The following SMC1B variants were observed in gnomAD, a reference collection of about 807,000 sequenced individuals.
SMC1B encodes structural maintenance of chromosomes 1B.
SMC1B carries 60 observed loss-of-function variants against 157.9 expected under a neutral mutation model. The observed-to-expected ratio is 0.38, with a 90% CI of 0.31 to 0.47. The LOEUF (loss-of-function observed/expected upper bound fraction) is 0.47. SMC1B is among the 20% of genes least tolerant of loss of function. The pLI is 0.99. For synonymous variants in SMC1B, 445 were observed against 483.0 expected, an observed-to-expected ratio of 0.92 and a Z score of 1.03; for missense variants, 1,165 against 1,426.2, an observed-to-expected ratio of 0.82 and a Z score of 2.95.
At chr22:45,403,704 C>A (rs1248921118) in intron 4 of SMC1B, among the ~76,000 whole-genome samples, 2 of 152,070 alleles carry the variant, frequency 1.3e-5, no homozygotes, top group Non-Finnish European at 2.9e-5. Context: ...AGGGATGCTC[C>A]CACCTTGGCC....
intron 19 of SMC1B, among the ~76,000 whole-genome samples, chr22:45,356,825 G>A (rs1242762264): frequency 6.6e-6 from 1 of 151,040 alleles, no homozygotes; most frequent in Non-Finnish European, 1.5e-5. Context: ...CACATCCCAG[G>A]CTCAAGCAAT....
At chr22:45,400,069 A>G (rs1470588925) in intron 5 of SMC1B, among the ~76,000 whole-genome samples, 1 of 152,244 alleles carries the variant, frequency 6.6e-6, no homozygotes, top group Non-Finnish European at 1.5e-5. Flanking sequence ...AGATGGTCAC[A>G]TATGAAAATA....
intron 13 of SMC1B, among the ~76,000 whole-genome samples, chr22:45,371,919 T>C (rs542229638): frequency 3.5e-4 from 53 of 152,170 alleles, no homozygotes; most frequent in African/African-American, 1.1e-3. Context: ...ATTACATGCC[T>C]GTAATCCCAG....
At chr22:45,379,107 G>A (rs1405316607) in intron 12 of SMC1B, among the ~76,000 whole-genome samples, 1 of 152,076 alleles carries the variant, frequency 6.6e-6, no homozygotes, top group Non-Finnish European at 1.5e-5. Context: ...TCAGCCTCCT[G>A]AGTAGCTGGG....
chr22:45,367,650 TG>T (rs1261599075), intron 15 of SMC1B, among the ~76,000 whole-genome samples: 1 of 152,216 alleles, frequency 6.6e-6, no homozygotes. Flanking sequence ...TCCTATGGGC[TG>T]AGGCAGGGAC....
At chr22:45,348,572 G>T (rs1333915189) in intron 23 of SMC1B, among the ~76,000 whole-genome samples, 1 of 152,202 alleles carries the variant, frequency 6.6e-6, no homozygotes, top group Non-Finnish European at 1.5e-5. Flanking sequence ...TGTTATGCCA[G>T]CAGTAACATT....
intron 20 of SMC1B, 123 bp downstream of exon 20, chr22:45,354,836 A>G (rs1237348991): frequency 3.6e-5 from 30 of 823,800 alleles, no homozygotes; most frequent in South Asian, 8.7e-5. Flanking sequence ...ACACATTAAT[A>G]TAAGACCACA....
At chr22:45,390,178 A>C (rs1403226069) in intron 9 of SMC1B, among the ~76,000 whole-genome samples, 1 of 152,050 alleles carries the variant, frequency 6.6e-6, no homozygotes, top group African/African-American at 2.4e-5. Context: ...ATATTCATTT[A>C]TTCCCTGACC....
chr22:45,401,799 G>C (rs1465709836), intron 5 of SMC1B, among the ~76,000 whole-genome samples: 2 of 152,042 alleles, frequency 1.3e-5, no homozygotes, highest in African/African-American at 4.8e-5. Context: ...CTCACTCCTT[G>C]TGTGTCTGCA....
chr22:45,410,937 G>T (rs997805837), intron 1 of SMC1B, among the ~76,000 whole-genome samples: 1 of 152,224 alleles, frequency 6.6e-6, no homozygotes, highest in Non-Finnish European at 1.5e-5. Flanking sequence ...GAGGGCTATT[G>T]TAAGACAGTG....
chr22:45,408,993 T>G (rs2087297242), intron 1 of SMC1B, 95 bp from the exon 2 acceptor site: 3 of 679,756 alleles, frequency 4.4e-6, no homozygotes, highest in Admixed American at 2.9e-5. Flanking sequence ...AAGTGAAATA[T>G]AGCCAAAAGA....
chr22:45,393,677 G>A lies in SMC1B; in HGVS notation c.1502C>T (p.Ala501Val), dbSNP rs1383420030. 2 of 1,614,044 alleles carry A rather than the reference G, an allele frequency of 1.2e-6. No individual in the cohort carries two copies. The highest frequency in any genetic ancestry group is 1.3e-5 in the African/African-American group (1 of 75,024). The change falls in exon 9 of 25, where the codon GCA becomes GTA. Residue 501 changes from alanine to valine, a missense_variant. Coordinates refer to ENST00000357450, the MANE Select transcript of SMC1B (RefSeq NM_148674.5). ...THEGKRQQKRAEVLEHLKRLY... is the reference protein window; with the variant it reads ...THEGKRQQKRVEVLEHLKRLY... The stretch of plus-strand genomic sequence containing the variant: ...TCTTTTAAGGTGTTCCAGAACCTCT[G>A]CTCTCTTTTGCTGACGTTTTCCCTC...
chr22:45,354,123 G>A lies in SMC1B; in HGVS notation c.3128C>T (p.Ala1043Val). The A allele has an allele frequency of 6.4e-7, 1 of 1,560,812 alleles. No individual in the cohort carries two copies. Among genetic ancestry groups the A allele is most frequent in the East Asian group, 2.4e-5 (1 of 42,210 alleles). Residue 1043 changes from alanine (A) to valine (V), a missense_variant, in exon 21 of 25, where the codon GCC (alanine) becomes GTC (valine). Ala to Val is a moderately conservative substitution (Grantham distance 64, BLOSUM62 0). Transcript: ENST00000357450. ...ACACAGTCTGGCTTCCTTTCTGCTG[G>A]CCTCAAAAGCTAAGAGAGAATCAAT... ...KFQESTDAFE[A>V]SRKEARLCRQ...
At chr22:45,409,564 CTAAATAAATAAATAAATAAA>C (rs71770434) in intron 1 of SMC1B, among the ~76,000 whole-genome samples, 4 of 140,746 alleles carry the variant, frequency 2.8e-5, no homozygotes, top group African/African-American at 5.2e-5. Context: ...GACTCCAACT[CTAAATAAATAAATAAATAAA>C]TAAATAAATA....
chr22:45,350,880 T>C (rs1310345280), intron 22 of SMC1B, among the ~76,000 whole-genome samples: 1 of 152,188 alleles, frequency 6.6e-6, no homozygotes, highest in Non-Finnish European at 1.5e-5. Context: ...TTCACCTTGA[T>C]TGTGACCAGT....
At chr22:45,366,565 A>T (rs1162600635) in intron 15 of SMC1B, among the ~76,000 whole-genome samples, 1 of 152,200 alleles carries the variant, frequency 6.6e-6, no homozygotes, top group African/African-American at 2.4e-5. Flanking sequence ...CAGTGATCCC[A>T]AATATGTATG....
At chr22:45,410,289 T>C (rs2087317125) in intron 1 of SMC1B, among the ~76,000 whole-genome samples, 1 of 152,210 alleles carries the variant, frequency 6.6e-6, no homozygotes, top group African/African-American at 2.4e-5. Flanking sequence ...TTAAATCTGT[T>C]ACCCAATCAT....
intron 23 of SMC1B, 72 bp from the exon 24 acceptor site, chr22:45,345,641 G>GC: frequency 1.1e-6 from 1 of 901,918 alleles, no homozygotes; most frequent in South Asian, 1.3e-5. Flanking sequence ...CAGTAATTCT[G>GC]CATGTCTCTG....
chr22:45,400,729 G>A (rs2087182573), intron 5 of SMC1B, among the ~76,000 whole-genome samples: 1 of 152,116 alleles, frequency 6.6e-6, no homozygotes, highest in African/African-American at 2.4e-5. Flanking sequence ...CTTCAGTCAG[G>A]TGATCAAGGT....
Sources: allele counts gnomAD v4.1 joint callset (sites outside exome capture counted in the v4.1 genomes callset), GRCh38; gene constraint gnomAD v4.1.1; transcripts MANE v1.5; gene names NCBI Gene and HGNC (gene_info 2026-07-23, HGNC 2026-07-21).